CLDN22: variants seen among roughly 807,000 people sequenced by gnomAD.
The protein encoded by CLDN22 is claudin 22.
For missense variants in CLDN22, 227 were observed against 252.2 expected, an observed-to-expected ratio of 0.90 and a Z score of 0.68; for synonymous variants, 86 against 107.9, an observed-to-expected ratio of 0.80 and a Z score of 1.26.
In CLDN22 at chr4:183,320,170, A is replaced by T. The variant is rs752358732; in HGVS notation, c.49T>A (p.Ser17Thr). ...TVAQLAGVSL[S>T]LLGWVLSCLT... The stretch of plus-strand genomic sequence containing the variant: ...CAGGATAAAACCCATCCCAGCAAAG[A>T]TAATGAAACTCCAGCTAGTTGAGCT... Residue 17 changes from serine (S) to threonine (T), a missense_variant, in exon 1 of 1, where the codon TCT (serine) becomes ACT (threonine). Transcript: ENST00000323319. 6.8e-6 allele frequency: 11 copies of T among 1,614,162 alleles called. No homozygotes were observed. Among genetic ancestry groups the T allele is most frequent in the Non-Finnish European group, 9.3e-6 (11 of 1,180,022 alleles).
Position 183,320,134 on chromosome 4 carries a change from A to G in CLDN22, c.85T>C (p.Tyr29His), listed in dbSNP as rs1314663416. ...TTGAGGTTCTTCCAGTGTGGCAGGT[A>G]GTTTGTAAGACAGGATAAAACCCAT... is the stretch of plus-strand genomic sequence containing the variant. ...LGWVLSCLTN[Y>H]LPHWKNLNLD... Residue 29 changes from tyrosine to histidine, a missense_variant, in exon 1 of 1, where the codon TAC becomes CAC. Physicochemically the swap from Tyr to His is moderately conservative, Grantham distance 83 (BLOSUM62 2). Coordinates refer to ENST00000323319, the MANE Select transcript of CLDN22 (RefSeq NM_001111319.3). 1.2e-6 allele frequency: 2 copies of G among 1,614,140 alleles called. No individual in the cohort carries two copies. Among genetic ancestry groups the G allele is most frequent in the Non-Finnish European group, 1.7e-6 (2 of 1,180,020 alleles).
Position 183,320,155 on chromosome 4 carries a change from C to A in CLDN22, c.64G>T (p.Val22Phe), listed in dbSNP as rs752061580. 2 of 1,614,128 alleles carry A rather than the reference C, an allele frequency of 1.2e-6. No homozygotes were observed. The highest frequency in any genetic ancestry group is 1.7e-5 in the Admixed American group (1 of 60,014). The stretch of plus-strand genomic sequence containing the variant: ...AGGTAGTTTGTAAGACAGGATAAAA[C>A]CCATCCCAGCAAAGATAATGAAACT... ...AGVSLSLLGW[V>F]LSCLTNYLPH... Residue 22 changes from valine (V) to phenylalanine (F), a missense_variant, in exon 1 of 1, where the codon GTT (valine) becomes TTT (phenylalanine). Coordinates refer to ENST00000323319, the MANE Select transcript of CLDN22 (RefSeq NM_001111319.3).
rs144080557 is a variant in CLDN22, at chr4:183,319,828, C to A, written c.391G>T (p.Val131Phe). 6.2e-7 allele frequency: 1 copy of A among 1,613,738 alleles called. No homozygotes were observed. Among genetic ancestry groups the A allele is most frequent in the South Asian group, 1.1e-5 (1 of 91,038 alleles). Residue 131 changes from valine to phenylalanine, a missense_variant, in exon 1 of 1, where the codon GTC (valine) becomes TTC (phenylalanine). Val to Phe is a conservative substitution (Grantham distance 50). Coordinates refer to ENST00000323319, the MANE Select transcript of CLDN22 (RefSeq NM_001111319.3). ...CAAGAGACGGGAACCAGGGCTGTGA[C>A]TCCCGAGGCCCAGGACAGAATTCCT... ...LGGILSWASG[V>F]TALVPVSWVA...
Position 183,319,579 on chromosome 4 carries a change from T to C in CLDN22, c.640A>G (p.Arg214Gly). 1.2e-6 allele frequency: 2 copies of C among 1,612,810 alleles called. No individual in the cohort carries two copies. The highest frequency in any genetic ancestry group is 1.7e-6 in the Non-Finnish European group (2 of 1,179,410). The change falls in exon 1 of 1, where the codon AGA becomes GGA. Residue 214 changes from arginine (R) to glycine (G), a missense_variant. Transcript: ENST00000323319. ...TQDHHQELETRNTNLKH is the reference protein window; with the variant it reads ...TQDHHQELETGNTNLKH ...GCTTAGTGTTTCAGGTTGGTGTTTCTCGTCTCCAGTTCTTGATGATGATCT... is the reference window on the plus strand; with the variant it reads ...GCTTAGTGTTTCAGGTTGGTGTTTCCCGTCTCCAGTTCTTGATGATGATCT...
Position 183,319,315 on chromosome 4 carries a change from A to T in CLDN22, c.*241T>A, listed in dbSNP as rs2111139733. 1 of 445,880 alleles carries T rather than the reference A, an allele frequency of 2.2e-6. No homozygotes were observed. Among genetic ancestry groups the T allele is most frequent in the Non-Finnish European group, 3.9e-6 (1 of 254,744 alleles). 27.6% of individuals were successfully genotyped at this position (445,880 alleles called of 1,614,324 possible). A position where few individuals can be genotyped will look rare whatever the true frequency, so the allele number is the denominator to read the frequency against. On this transcript the variant is annotated 3_prime_UTR_variant, in exon 1 of 1. Coordinates refer to ENST00000323319, the MANE Select transcript of CLDN22 (RefSeq NM_001111319.3). The stretch of plus-strand genomic sequence containing the variant: ...CACTTCTGTGCAATCGCTATTTTAA[A>T]ATTGAGAAAACTCATCCACAGTAAT...
At position 183,320,144 on chromosome 4, in the gene CLDN22, A is replaced by G. The variant is rs1739596279; in HGVS notation, c.75T>C (p.Cys25=). Residue 25 remains cysteine, a synonymous_variant, in exon 1 of 1, where the codon TGT becomes TGC. Transcript: ENST00000323319. ...SLSLLGWVLS[C]LTNYLPHWKN... ...TCCAGTGTGGCAGGTAGTTTGTAAG[A>G]CAGGATAAAACCCATCCCAGCAAAG... 1.1e-5 allele frequency: 17 copies of G among 1,614,158 alleles called. No individual in the cohort carries two copies. Among genetic ancestry groups the G allele is most frequent in the Non-Finnish European group, 1.2e-5 (14 of 1,180,032 alleles).
Position 183,319,572 on chromosome 4 carries a change from G to A in CLDN22, c.647C>T (p.Thr216Ile), listed in dbSNP as rs371522285. 13 of 1,612,166 alleles carry A rather than the reference G, an allele frequency of 8.1e-6. No homozygotes were observed. The highest frequency in any genetic ancestry group is 1.1e-5 in the Non-Finnish European group (13 of 1,179,034). Residue 216 changes from threonine to isoleucine, a missense_variant, in exon 1 of 1, where the codon ACC becomes ATC. By Grantham distance (89) the Thr-to-Ile change is moderately conservative. Coordinates refer to ENST00000323319, the MANE Select transcript of CLDN22 (RefSeq NM_001111319.3). ...DHHQELETRN[T>I]NLKH Reference sequence around the variant, plus strand: ...CTTTCTGGCTTAGTGTTTCAGGTTGGTGTTTCTCGTCTCCAGTTCTTGATG... The same window carrying A: ...CTTTCTGGCTTAGTGTTTCAGGTTGATGTTTCTCGTCTCCAGTTCTTGATG...
rs1206421771 is a variant in CLDN22 at position 183,318,302 on chromosome 4, C to CT, written c.*1253dup. On this transcript the variant is annotated 3_prime_UTR_variant, in exon 1 of 1. Transcript: ENST00000323319. The stretch of plus-strand genomic sequence containing the variant: ...AAATCAAATAAATTAAAATTTTTTG[C>CT]TATTGCTTTATCTATATTGTCTTAA... The CT allele has an allele frequency of 6.6e-6, 1 of 152,484 alleles. No individual in the cohort carries two copies. The highest frequency in any genetic ancestry group is 1.5e-5 in the Non-Finnish European group (1 of 68,014). The allele number at this position is 152,484 out of a possible 1,614,324, so 9.4% of individuals were successfully genotyped here. A position where few individuals can be genotyped will look rare whatever the true frequency, so the allele number is the denominator to read the frequency against.
In CLDN22 at chr4:183,320,055, A is replaced by T. The variant is rs754468375; in HGVS notation, c.164T>A (p.Val55Asp). 1.2e-6 allele frequency: 2 copies of T among 1,614,090 alleles called. No homozygotes were observed. Among genetic ancestry groups the T allele is most frequent in the Non-Finnish European group, 1.7e-6 (2 of 1,180,010 alleles). Residue 55 changes from valine (V) to aspartate (D), a missense_variant, in exon 1 of 1, where the codon GTC becomes GAC. Physicochemically the swap from Val to Asp is radical, Grantham distance 152. Coordinates refer to ENST00000323319, the MANE Select transcript of CLDN22 (RefSeq NM_001111319.3). ...TTGCATCCCCACTTCCTCTTGGATG[A>T]CACAGGTTTGCCAGAGTCCCATGGT... ...NWTMGLWQTC[V>D]IQEEVGMQCK...
chr4:183,318,146 A>C lies in CLDN22; in HGVS notation c.*1410T>G, dbSNP rs1411658146. The C allele has an allele frequency of 6.6e-6, 1 of 152,484 alleles. No homozygotes were observed. The highest frequency in any genetic ancestry group is 1.5e-5 in the Non-Finnish European group (1 of 68,034). The allele number at this position is 152,484 out of a possible 1,614,324, so 9.4% of individuals were successfully genotyped here. ...ATTCGCACAGGGTAAAAAGAATGTA[A>C]TATTTAGTTCTCAAGTTTGAATTAT... On this transcript the variant is annotated 3_prime_UTR_variant, in exon 1 of 1. Transcript: ENST00000323319.
chr4:183,320,076 A>G lies in CLDN22; in HGVS notation c.143T>C (p.Met48Thr). 2.5e-6 allele frequency: 4 copies of G among 1,614,102 alleles called. No individual in the cohort carries two copies. The highest frequency in any genetic ancestry group is 3.4e-6 in the Non-Finnish European group (4 of 1,180,032). The change falls in exon 1 of 1, where the codon ATG becomes ACG. Residue 48 changes from methionine to threonine, a missense_variant. By Grantham distance (81) the Met-to-Thr change is moderately conservative (BLOSUM62 -1). Transcript: ENST00000323319. ...LDLNEMENWT[M>T]GLWQTCVIQE... is the part of the protein sequence containing the mutation. ...GATGACACAGGTTTGCCAGAGTCCCATGGTCCAGTTTTCCATTTCATTTAA... is the reference window on the plus strand; with the variant it reads ...GATGACACAGGTTTGCCAGAGTCCCGTGGTCCAGTTTTCCATTTCATTTAA...
chr4:183,319,944 A>G lies in CLDN22; in HGVS notation c.275T>C (p.Phe92Ser). 3 of 1,613,446 alleles carry G rather than the reference A, an allele frequency of 1.9e-6. No homozygotes were observed. In the South Asian group the frequency reaches 3.3e-5, roughly 18 times the overall value. ...ILMFLSNGLG[F>S]LGLLVSGFGL... Reference sequence around the variant, plus strand: ...AAACCCAGAGACCAGCAGGCCCAGAAATCCCAGCCCATTTGACAGAAACAT... The same window carrying G: ...AAACCCAGAGACCAGCAGGCCCAGAGATCCCAGCCCATTTGACAGAAACAT... Residue 92 changes from phenylalanine (F) to serine (S), a missense_variant, in exon 1 of 1, where the codon TTT becomes TCT. Phe to Ser is a radical substitution (Grantham distance 155). Transcript: ENST00000323319.
chr4:183,318,522 A>G lies in CLDN22; in HGVS notation c.*1034T>C, dbSNP rs897916379. 1 of 152,426 alleles carries G rather than the reference A, an allele frequency of 6.6e-6. No individual in the cohort carries two copies. The highest frequency in any genetic ancestry group is 1.5e-5 in the Non-Finnish European group (1 of 67,972). The allele number at this position is 152,426 out of a possible 1,614,324, so 9.4% of individuals were successfully genotyped here. A position where few individuals can be genotyped will look rare whatever the true frequency, so the allele number is the denominator to read the frequency against. ...AAAAAAAAAGCAAAAACAAAGCTAC[A>G]TATTGCCTAATACTCTATTTCAGTG... On this transcript the variant is annotated 3_prime_UTR_variant, in exon 1 of 1. Coordinates refer to ENST00000323319, the MANE Select transcript of CLDN22 (RefSeq NM_001111319.3).
In CLDN22 at chr4:183,319,626, T is replaced by C. The variant is rs1407672909; in HGVS notation, c.593A>G (p.His198Arg). The C allele has an allele frequency of 6.2e-7, 1 of 1,614,028 alleles. No homozygotes were observed. The highest frequency in any genetic ancestry group is 8.5e-7 in the Non-Finnish European group (1 of 1,180,008). ...ATCTTGTGTTTGTGCCACTGCGTAG[T>C]GGCCCGAAGCTAGGGGAGCGTGGCT... is the stretch of plus-strand genomic sequence containing the variant. ...CSSHAPLASGHYAVAQTQDHH... is the reference protein window; with the variant it reads ...CSSHAPLASGRYAVAQTQDHH... Residue 198 changes from histidine to arginine, a missense_variant, in exon 1 of 1, where the codon CAC becomes CGC. Transcript: ENST00000323319.
rs372301775 is a variant in CLDN22 at position 183,319,524 on chromosome 4, C to A, written c.*32G>T. On this transcript the variant is annotated 3_prime_UTR_variant, in exon 1 of 1. Coordinates refer to ENST00000323319, the MANE Select transcript of CLDN22 (RefSeq NM_001111319.3). ...ACCAAATCCAGTGTTGAGCAAGCGTCTCCTGAACAGCAGACGCTTGTCCTT... is the reference window on the plus strand; with the variant it reads ...ACCAAATCCAGTGTTGAGCAAGCGTATCCTGAACAGCAGACGCTTGTCCTT... 50 of 1,569,768 alleles carry A rather than the reference C, an allele frequency of 3.2e-5. No individual in the cohort carries two copies. The African/African-American group carries it at 5.9e-4, about 18-fold the overall frequency.
chr4:183,318,710 G>A lies in CLDN22; in HGVS notation c.*846C>T, dbSNP rs774186523. ...ATATGTATTGCTGATAAAAAAGGAC[G>A]AAGTATTTTCATTGAGCAAATAAAA... is the stretch of plus-strand genomic sequence containing the variant. On this transcript the variant is annotated 3_prime_UTR_variant, in exon 1 of 1. Transcript: ENST00000323319. 6.6e-6 allele frequency: 1 copy of A among 152,170 alleles called. No homozygotes were observed. Among genetic ancestry groups the A allele is most frequent in the Non-Finnish European group, 1.5e-5 (1 of 68,032 alleles). 9.4% of individuals were successfully genotyped at this position (152,170 alleles called of 1,614,324 possible).
Position 183,319,341 on chromosome 4 carries a change from G to A in CLDN22, c.*215C>T. 3.8e-6 allele frequency: 2 copies of A among 522,936 alleles called. No individual in the cohort carries two copies. Among genetic ancestry groups the A allele is most frequent in the Non-Finnish European group, 6.7e-6 (2 of 300,358 alleles). The allele number at this position is 522,936 out of a possible 1,614,324, so 32.4% of individuals were successfully genotyped here. On this transcript the variant is annotated 3_prime_UTR_variant, in exon 1 of 1. Coordinates refer to ENST00000323319, the MANE Select transcript of CLDN22 (RefSeq NM_001111319.3). ...ATTGAGAAAACTCATCCACAGTAATGGGTGTCATTACTATTCAGTCTTGAT... is the reference window on the plus strand; with the variant it reads ...ATTGAGAAAACTCATCCACAGTAATAGGTGTCATTACTATTCAGTCTTGAT...
In CLDN22 at chr4:183,318,512, A is replaced by G. The variant is rs1423675287; in HGVS notation, c.*1044T>C. On this transcript the variant is annotated 3_prime_UTR_variant, in exon 1 of 1. Coordinates refer to ENST00000323319, the MANE Select transcript of CLDN22 (RefSeq NM_001111319.3). ...GTTTTTTTTAAAAAAAAAAGCAAAA[A>G]CAAAGCTACATATTGCCTAATACTC... 6.6e-6 allele frequency: 1 copy of G among 152,432 alleles called. No homozygotes were observed. Among genetic ancestry groups the G allele is most frequent in the Admixed American group, 6.6e-5 (1 of 15,264 alleles). The allele number at this position is 152,432 out of a possible 1,614,324, so 9.4% of individuals were successfully genotyped here. A position where few individuals can be genotyped will look rare whatever the true frequency, so the allele number is the denominator to read the frequency against.
Position 183,319,586 on chromosome 4 carries a change from C to T in CLDN22, c.633G>A (p.Leu211=), listed in dbSNP as rs1187876374. 1.2e-6 allele frequency: 2 copies of T among 1,613,166 alleles called. No individual in the cohort carries two copies. The highest frequency in any genetic ancestry group is 2.7e-5 in the African/African-American group (2 of 74,876). Residue 211 remains leucine, a synonymous_variant, in exon 1 of 1, where the codon CTG becomes CTA. Transcript: ENST00000323319. The part of the protein sequence containing the change: ...VAQTQDHHQE[L]ETRNTNLKH ...GTTTCAGGTTGGTGTTTCTCGTCTC[C>T]AGTTCTTGATGATGATCTTGTGTTT...
Sources: gnomAD v4.1 joint callset for allele counts on GRCh38, gnomAD v4.1.1 for gene constraint, MANE v1.5 for transcripts, NCBI Gene and HGNC (gene_info 2026-07-23, HGNC 2026-07-21) for gene names.